The following ZFHX3 variants were observed in gnomAD, a reference collection of about 807,000 sequenced individuals.
The protein encoded by ZFHX3 is zinc finger homeobox protein 3.
In ZFHX3, 42 loss-of-function variants were observed where a neutral mutation model predicts 279.1. The ratio of observed to expected loss-of-function variants is 0.15; its 90% CI spans 0.12 to 0.19. The LOEUF (loss-of-function observed/expected upper bound fraction) is 0.19. Ranked by LOEUF, ZFHX3 falls within the 10% of genes least tolerant of loss-of-function variation. The pLI, the probability that ZFHX3 is intolerant of heterozygous loss-of-function variation, is 1.00. For missense variants in ZFHX3, 4,981 were observed against 4,754.0 expected (o/e 1.05, Z -1.40); for synonymous variants, 2,293 against 1,957.8 (o/e 1.17, Z -4.52).
intron 1 of ZFHX3, among the ~76,000 whole-genome samples, chr16:73,785,781 T>C (rs1342821879): frequency 6.6e-6 from 1 of 152,214 alleles, no homozygotes; most frequent in Non-Finnish European, 1.5e-5. Flanking sequence ...TTAGGTCTTC[T>C]CTCCTCTCTG....
chr16:73,205,649 T>C (rs181684110), intron 5 of ZFHX3, among the ~76,000 whole-genome samples: 15 of 152,334 alleles, frequency 9.8e-5, no homozygotes, highest in Admixed American at 5.2e-4. Flanking sequence ...AGTGTGTGTG[T>C]GTGCGTGAAT....
At chr16:73,454,204 ATAGAT>A (rs2018331108) in intron 3 of ZFHX3, among the ~76,000 whole-genome samples, 1 of 152,182 alleles carries the variant, frequency 6.6e-6, no homozygotes, top group Admixed American at 6.5e-5. Context: ...CATGGCAACA[ATAGAT>A]AAGAGAAACA....
At chr16:73,302,558 G>A (rs906104201) in intron 4 of ZFHX3, among the ~76,000 whole-genome samples, 5 of 152,194 alleles carry the variant, frequency 3.3e-5, no homozygotes, top group Admixed American at 1.3e-4. Context: ...TCATGACTCC[G>A]AATACCCTAA....
chr16:73,166,164 A>G (rs552228596), intron 5 of ZFHX3, among the ~76,000 whole-genome samples: 4 of 152,198 alleles, frequency 2.6e-5, no homozygotes, highest in Non-Finnish European at 5.9e-5. Flanking sequence ...TTAAGGCTTT[A>G]TCTCAAAGCT....
chr16:73,821,532 T>C (rs772611762), intron 1 of ZFHX3, among the ~76,000 whole-genome samples: 2 of 152,220 alleles, frequency 1.3e-5, no homozygotes, highest in Non-Finnish European at 2.9e-5. Flanking sequence ...GAATTACCCC[T>C]ACCCCTCAGG....
At chr16:73,283,658 C>T (rs7501148) in intron 4 of ZFHX3, among the ~76,000 whole-genome samples, 121,132 of 152,248 alleles carry the variant, frequency 0.8, 48,396 homozygotes, top group East Asian at 0.96. Context: ...ATTTCTTTTA[C>T]GAACATGGTA....
chr16:73,781,793 C>T (rs1487228597), intron 1 of ZFHX3, among the ~76,000 whole-genome samples: 1 of 152,042 alleles, frequency 6.6e-6, no homozygotes, highest in Non-Finnish European at 1.5e-5. Flanking sequence ...TTGAGACCAG[C>T]CTGACCAACA....
intron 5 of ZFHX3, among the ~76,000 whole-genome samples, chr16:73,152,760 T>TAAAAAA (rs1244368235): frequency 2.9e-5 from 1 of 33,940 alleles, no homozygotes; most frequent in Non-Finnish European, 6.2e-5. Flanking sequence ...ATGAGTTGCT[T>TAAAAAA]AAAAAAAAAA....
At chr16:73,312,623 G>A (rs191865011) in intron 4 of ZFHX3, among the ~76,000 whole-genome samples, 1 of 152,286 alleles carries the variant, frequency 6.6e-6, no homozygotes, top group East Asian at 1.9e-4. Context: ...CTTTCAGTGG[G>A]CCATGGACCA....
chr16:73,220,032 G>C (rs1438020260), intron 5 of ZFHX3, among the ~76,000 whole-genome samples: 1 of 152,094 alleles, frequency 6.6e-6, no homozygotes, highest in African/African-American at 2.4e-5. Context: ...GTTGCAGTAA[G>C]CTGAGGTTGT....
chr16:73,303,357 C>T (rs2015103327), intron 4 of ZFHX3, among the ~76,000 whole-genome samples: 1 of 152,168 alleles, frequency 6.6e-6, no homozygotes, highest in African/African-American at 2.4e-5. Context: ...ACAGCTTCTC[C>T]ACTTTGATGA....
chr16:72,838,394 C>G (rs922238846), intron 4 of ZFHX3, among the ~76,000 whole-genome samples: 2 of 152,162 alleles, frequency 1.3e-5, no homozygotes, highest in African/African-American at 4.8e-5. Context: ...TGGCCCAGCT[C>G]AACAAGAATG....
chr16:72,857,027 T>C (rs995535808), intron 4 of ZFHX3, among the ~76,000 whole-genome samples: 12 of 152,222 alleles, frequency 7.9e-5, no homozygotes, highest in Non-Finnish European at 1.5e-4. Context: ...AGGAGCTAAA[T>C]GCAGCCTTAT....
intron 2 of ZFHX3, among the ~76,000 whole-genome samples, chr16:73,575,540 T>A (rs1470913033): frequency 6.6e-6 from 1 of 152,198 alleles, no homozygotes; most frequent in East Asian, 1.9e-4. Flanking sequence ...ATGGGACCGA[T>A]AGAAGGGGTC....
intron 1 of ZFHX3, among the ~76,000 whole-genome samples, chr16:73,868,143 T>C (rs1024571214): frequency 6.6e-6 from 1 of 152,228 alleles, no homozygotes; most frequent in Admixed American, 6.5e-5. Flanking sequence ...CATTTCGGCA[T>C]GTGTAACAAA....
chr16:73,389,680 G>A (rs546939055), intron 3 of ZFHX3, among the ~76,000 whole-genome samples: 5 of 152,280 alleles, frequency 3.3e-5, no homozygotes, highest in Admixed American at 6.5e-5. Flanking sequence ...TTTTTTATCC[G>A]CAGTGAAAAT....
At chr16:73,114,305 A>G (rs983210738) in intron 7 of ZFHX3, among the ~76,000 whole-genome samples, 2 of 108,340 alleles carry the variant, frequency 1.8e-5, no homozygotes, top group African/African-American at 5.4e-5. Flanking sequence ...ACTATGGTTG[A>G]AGATAAGTTG....
chr16:73,297,067 C>G (rs1331141463), intron 4 of ZFHX3, among the ~76,000 whole-genome samples: 1 of 151,594 alleles, frequency 6.6e-6, no homozygotes, highest in Non-Finnish European at 1.5e-5. Context: ...TTAGTAGAGA[C>G]AGGGTTTCAC....
At chr16:73,432,083 C>T (rs767520391) in intron 3 of ZFHX3, among the ~76,000 whole-genome samples, 43 of 152,238 alleles carry the variant, frequency 2.8e-4, no homozygotes, top group African/African-American at 7.7e-4. Flanking sequence ...AATAAAAATC[C>T]GTCTCCGCCT....
Sources: gnomAD v4.1 joint callset for allele counts (sites outside exome capture counted in the v4.1 genomes callset) on GRCh38, gnomAD v4.1.1 for gene constraint, MANE v1.5 for transcripts, NCBI Gene and HGNC (gene_info 2026-07-23, HGNC 2026-07-21) for gene names.